DIAPH2: variants seen among roughly 807,000 people sequenced by gnomAD.
The protein encoded by DIAPH2 is diaphanous related formin 2, also known as protein diaphanous homolog 2.
Under a neutral mutation model 92.7 loss-of-function variants are expected in DIAPH2, and 35 were observed. That is an observed-to-expected ratio of 0.38 (90% CI 0.29 to 0.50). DIAPH2 has a LOEUF of 0.50. Among genes scored for constraint, DIAPH2 ranks in the 20% least tolerant of loss-of-function variants. The pLI is 0.94. For synonymous variants in DIAPH2, 301 were observed against 280.4 expected (o/e 1.07, Z -0.73); for missense variants, 701 against 819.5 (o/e 0.86, Z 1.77).
At chrX:96,704,325 C>G (rs1336011425) in intron 1 of DIAPH2, among the ~76,000 whole-genome samples, 3 of 111,993 alleles carry the variant, frequency 2.7e-5, no homozygotes, top group Non-Finnish European at 5.6e-5. Context: ...ATGAAGAAGA[C>G]AGGAACTTCC....
At chrX:96,885,302 A>G (rs1453766434) in intron 5 of DIAPH2, 2 of 390,040 alleles carry the variant, frequency 5.1e-6, no homozygotes, top group Admixed American at 4.9e-5. Context: ...TAAATTGACA[A>G]CTCTGTAGGA....
chrX:96,876,546 G>A (rs1260518030), intron 4 of DIAPH2, among the ~76,000 whole-genome samples: 1 of 112,098 alleles, frequency 8.9e-6, no homozygotes, highest in Admixed American at 9.5e-5. Context: ...TTAAGGAAAT[G>A]TGGCACATAT....
At chrX:97,208,869 GTT>G (rs1035145703) in intron 22 of DIAPH2, among the ~76,000 whole-genome samples, 1 of 107,720 alleles carries the variant, frequency 9.3e-6, no homozygotes, top group Non-Finnish European at 1.9e-5. Context: ...GCGGTGAGGG[GTT>G]TTTTTTTGGT....
At chrX:97,352,073 G>A (rs1315750861) in intron 24 of DIAPH2, among the ~76,000 whole-genome samples, 1 of 110,753 alleles carries the variant, frequency 9.0e-6, no homozygotes, top group African/African-American at 3.3e-5. Flanking sequence ...AGTGCTTTGT[G>A]TGTTTGGCCT....
chrX:96,965,559 A>C (rs1276359235), intron 17 of DIAPH2, among the ~76,000 whole-genome samples: 2 of 111,600 alleles, frequency 1.8e-5, no homozygotes, highest in Admixed American at 1.9e-4. Context: ...GTAAGAGAAC[A>C]CTAAAGTCTC....
intron 23 of DIAPH2, among the ~76,000 whole-genome samples, chrX:97,262,675 A>C (rs923359519): frequency 3.6e-5 from 4 of 111,803 alleles, no homozygotes; most frequent in African/African-American, 1.3e-4. Flanking sequence ...TAGGCATCCA[A>C]GTGGAGATGT....
At chrX:97,276,077 C>T (rs934124185) in intron 23 of DIAPH2, among the ~76,000 whole-genome samples, 2 of 112,545 alleles carry the variant, frequency 1.8e-5, no homozygotes, top group African/African-American at 6.4e-5. Context: ...GAGCTGGAGA[C>T]CAGCCCGGCC....
intron 17 of DIAPH2, among the ~76,000 whole-genome samples, chrX:96,970,350 G>GTTTGT (rs1556312930): frequency 9.4e-6 from 1 of 106,055 alleles, no homozygotes; most frequent in African/African-American, 3.4e-5. Flanking sequence ...TCTGGGTGTT[G>GTTTGT]TTGTTTGTTT....
intron 26 of DIAPH2, among the ~76,000 whole-genome samples, chrX:97,530,267 C>T (rs747391612): frequency 1.9e-3 from 208 of 111,640 alleles, no homozygotes; most frequent in African/African-American, 6.3e-3. Flanking sequence ...AAGCCTAACC[C>T]GTCAAGCAGT....
intron 23 of DIAPH2, among the ~76,000 whole-genome samples, chrX:97,278,800 T>C (rs1212869456): frequency 8.9e-6 from 1 of 112,370 alleles, no homozygotes; most frequent in Non-Finnish European, 1.9e-5. Context: ...TACACTGTTA[T>C]AAGAATCACA....
intron 3 of DIAPH2, among the ~76,000 whole-genome samples, chrX:96,748,250 A>T (rs2064162286): frequency 8.9e-6 from 1 of 112,275 alleles, no homozygotes. Flanking sequence ...CTATTTATTC[A>T]TATGTGCAAT....
At chrX:96,703,016 C>T (rs750048180) in intron 1 of DIAPH2, among the ~76,000 whole-genome samples, 3 of 111,483 alleles carry the variant, frequency 2.7e-5, no homozygotes, top group South Asian at 7.7e-4. Context: ...TAGGGGGAAA[C>T]AGACATTCAG....
chrX:97,159,566 G>A (rs1396936882), intron 22 of DIAPH2, among the ~76,000 whole-genome samples: 1 of 111,491 alleles, frequency 9.0e-6, no homozygotes, highest in African/African-American at 3.3e-5. Flanking sequence ...CCAAACAACT[G>A]GTTAATTCTG....
At chrX:97,068,526 T>C (rs965490713) in intron 17 of DIAPH2, among the ~76,000 whole-genome samples, 7 of 111,438 alleles carry the variant, frequency 6.3e-5, no homozygotes, top group Non-Finnish European at 1.1e-4. Flanking sequence ...TAGATAAAGG[T>C]GATTCAGAAT....
At chrX:97,548,374 C>T (rs954901093) in intron 26 of DIAPH2, among the ~76,000 whole-genome samples, 1 of 112,004 alleles carries the variant, frequency 8.9e-6, no homozygotes, top group Non-Finnish European at 1.9e-5. Context: ...GACTCTTCTG[C>T]GGCTCTTTGT....
At chrX:96,734,687 G>T (rs751741793) in intron 1 of DIAPH2, among the ~76,000 whole-genome samples, 4 of 111,413 alleles carry the variant, frequency 3.6e-5, no homozygotes, top group African/African-American at 6.5e-5. Flanking sequence ...AAGTAGAAAA[G>T]AAAAGAGTTA....
intron 20 of DIAPH2, among the ~76,000 whole-genome samples, chrX:97,108,363 C>G (rs780703162): frequency 8.9e-6 from 1 of 111,987 alleles, no homozygotes; most frequent in South Asian, 3.8e-4. Flanking sequence ...CAAGGGACCA[C>G]AACTAAATAC....
At chrX:97,372,151 GAC>G (rs2069453541) in intron 24 of DIAPH2, among the ~76,000 whole-genome samples, 1 of 112,267 alleles carries the variant, frequency 8.9e-6, no homozygotes, top group Non-Finnish European at 1.9e-5. Flanking sequence ...TGACGGGAGA[GAC>G]AGTTTTTCCC....
At chrX:97,372,467 C>G (rs2069456988) in intron 24 of DIAPH2, among the ~76,000 whole-genome samples, 1 of 111,867 alleles carries the variant, frequency 8.9e-6, no homozygotes, top group African/African-American at 3.3e-5. Flanking sequence ...GAACAATAAG[C>G]TGGTTTTGCT....
Sources: gnomAD v4.1 joint callset for allele counts (sites outside exome capture counted in the v4.1 genomes callset) on GRCh38, gnomAD v4.1.1 for gene constraint, MANE v1.5 for transcripts, NCBI Gene and HGNC (gene_info 2026-07-23, HGNC 2026-07-21) for gene names.